Variants in PROSER2 observed in about 807,000 individuals in gnomAD.
PROSER2 encodes the protein proline and serine-rich protein 2.
A neutral mutation model predicts 14.6 loss-of-function variants in PROSER2; 18 were observed. That is an observed-to-expected ratio of 1.23 (90% confidence interval 0.85 to 1.83). The LOEUF (loss-of-function observed/expected upper bound fraction) is 1.83. Ranked by LOEUF, PROSER2 falls within the 40% of genes most tolerant of loss-of-function variation. The probability of loss-of-function intolerance (pLI) is 0.00; values close to 1 mark genes in which losing one functional copy is unlikely to be tolerated. For synonymous variants in PROSER2, 367 were observed against 286.4 expected, an observed-to-expected ratio of 1.28 and a Z score of -2.84; for missense variants, 823 against 629.8, an observed-to-expected ratio of 1.31 and a Z score of -3.28.
intron 1 of PROSER2, among the ~76,000 whole-genome samples, chr10:11,829,023 G>C (rs192585501): frequency 2.0e-5 from 3 of 152,260 alleles, no homozygotes; most frequent in African/African-American, 7.2e-5. Flanking sequence ...TGAGGAGTCA[G>C]TTATTATGCC....
chr10:11,868,729 C>T (rs1022831237), intron 3 of PROSER2, among the ~76,000 whole-genome samples: 33 of 152,326 alleles, frequency 2.2e-4, no homozygotes, highest in African/African-American at 7.9e-4. Context: ...CAGCTCACTG[C>T]AACCTCCACC....
Position 11,869,994 on chromosome 10 carries a change from CGGGGGACGCCGGCGAGGGGGCCCCAGG to C in PROSER2, c.900_926del (p.Asp301_Gly309del). ...GGCCACGCCGGCGCCTTCCCCGCCG[CGGGGGACGCCGGCGAGGGGGCCCCAGG>C]GGGCGGCTCCTCCCCGGAGCGGGTG... On this transcript the variant is annotated inframe_deletion, in exon 4 of 4. Transcript: ENST00000277570. This position sits in a 1 kb window ranked among gnomAD's most constrained non-coding sequence, Gnocchi z 4.4. The C allele has an allele frequency of 4.8e-6, 6 of 1,260,068 alleles. No homozygotes were observed. The highest frequency in any genetic ancestry group is 6.0e-6 in the Non-Finnish European group (6 of 1,004,956). 78.1% of individuals were successfully genotyped at this position (1,260,068 alleles called of 1,614,324 possible). A position where few individuals can be genotyped will look rare whatever the true frequency, so the allele number is the denominator to read the frequency against.
At chr10:11,829,581 CA>C (rs372245548) in intron 1 of PROSER2, among the ~76,000 whole-genome samples, 80 of 142,190 alleles carry the variant, frequency 5.6e-4, no homozygotes, top group South Asian at 6.7e-4. Context: ...GACCCTGTCT[CA>C]AAAAAAAAAA....
chr10:11,853,098 T>C (rs11593377), intron 2 of PROSER2, among the ~76,000 whole-genome samples: 32,253 of 151,956 alleles, frequency 0.21, 3,568 homozygotes, highest in Middle Eastern at 0.3. Context: ...CTAGGAACCA[T>C]TGGGGGCACC....
intron 2 of PROSER2, among the ~76,000 whole-genome samples, chr10:11,853,541 C>T (rs186971074): frequency 5.3e-4 from 81 of 152,258 alleles, no homozygotes; most frequent in African/African-American, 1.9e-3. Context: ...GAGCTGAAAT[C>T]GCGCCACTGC....
chr10:11,859,701 T>C (rs1339958893), intron 2 of PROSER2, among the ~76,000 whole-genome samples: 1 of 152,138 alleles, frequency 6.6e-6, no homozygotes, highest in Admixed American at 6.5e-5. Context: ...GGCGATGCCT[T>C]GTGCTTTTGG....
chr10:11,827,819 C>T (rs566572081), intron 1 of PROSER2, among the ~76,000 whole-genome samples: 3 of 151,976 alleles, frequency 2.0e-5, no homozygotes, highest in Non-Finnish European at 2.9e-5. Context: ...GCTGGGACTA[C>T]GGGTGCGTGC....
At chr10:11,831,123 A>G (rs1486030533) in intron 1 of PROSER2, among the ~76,000 whole-genome samples, 1 of 152,216 alleles carries the variant, frequency 6.6e-6, no homozygotes, top group Non-Finnish European at 1.5e-5. Context: ...TGCCAGTCTA[A>G]CCAGGTGTTA....
At chr10:11,848,352 A>G (rs1054613343) in intron 1 of PROSER2, among the ~76,000 whole-genome samples, 2 of 152,168 alleles carry the variant, frequency 1.3e-5, no homozygotes, top group African/African-American at 4.8e-5. Flanking sequence ...TATTTTTAGT[A>G]GAGACGGGGT....
intron 1 of PROSER2, among the ~76,000 whole-genome samples, chr10:11,828,817 C>A (rs1314955383): frequency 6.6e-6 from 1 of 152,146 alleles, no homozygotes; most frequent in Non-Finnish European, 1.5e-5. Context: ...GGGCCCTGCT[C>A]CCATGAAGGC....
In PROSER2 at chr10:11,870,105, CG is replaced by C; in HGVS notation, c.1008del (p.Arg337GlyfsTer16). The C allele has an allele frequency of 7.6e-7, 1 of 1,322,992 alleles. No individual in the cohort carries two copies. The highest frequency in any genetic ancestry group is 9.6e-7 in the Non-Finnish European group (1 of 1,038,918). 82.0% of individuals were successfully genotyped at this position (1,322,992 alleles called of 1,614,324 possible). ...AGTCTCCGGGCAGGGGGTCAGGCTC[CG>C]CGGGGCCCGGCGCTGGCCAACGGCT... is the stretch of plus-strand genomic sequence containing the variant. ...AESLRAGGQA[P>X]RGPALANGFP... On this transcript the variant is annotated frameshift_variant, in exon 4 of 4. Coordinates refer to ENST00000277570, the MANE Select transcript of PROSER2 (RefSeq NM_153256.4). LOFTEE classifies it low-confidence loss of function (END_TRUNC).
At position 11,870,241 on chromosome 10, in the gene PROSER2, G is replaced by T; in HGVS notation, c.1143G>T (p.Gln381His). 6.7e-7 allele frequency: 1 copy of T among 1,488,910 alleles called. No homozygotes were observed. Among genetic ancestry groups the T allele is most frequent in the South Asian group, 1.3e-5 (1 of 79,968 alleles). 92.2% of individuals were successfully genotyped at this position (1,488,910 alleles called of 1,614,324 possible). The change falls in exon 4 of 4, where the codon CAG becomes CAT. Residue 381 changes from glutamine to histidine, a missense_variant. By Grantham distance (24) the Gln-to-His change is conservative. Transcript: ENST00000277570. ...CCCTGCCCAGCACGCGGGCCCGTCA[G>T]AGCTTCCCCGGGCCCCGGCAGCCCA... ...GPALPSTRAR[Q>H]SFPGPRQPNG...
intron 3 of PROSER2, among the ~76,000 whole-genome samples, chr10:11,867,387 A>G (rs370572104): frequency 1.1e-4 from 17 of 151,934 alleles, no homozygotes; most frequent in East Asian, 9.7e-4. Flanking sequence ...TAATTATTCT[A>G]TTTTACAGGC....
In PROSER2 at chr10:11,870,597, C is replaced by T; in HGVS notation, c.*191C>T. On this transcript the variant is annotated 3_prime_UTR_variant, in exon 4 of 4. Transcript: ENST00000277570. ...GAGCACGCACCGCAAGCTCCAGCCA[C>T]CGGCACAGAGAACTCTTCCCTAAAG... 1 of 486,240 alleles carries T rather than the reference C, an allele frequency of 2.1e-6. No homozygotes were observed. The highest frequency in any genetic ancestry group is 3.7e-6 in the Non-Finnish European group (1 of 271,810). The allele number at this position is 486,240 out of a possible 1,614,324, so 30.1% of individuals were successfully genotyped here.
rs1179687987 is a variant in PROSER2, at chr10:11,856,478, G to T, written c.138+4263G>T. On this transcript the variant is annotated intron_variant, in intron 2 of 3. Coordinates refer to ENST00000277570, the MANE Select transcript of PROSER2 (RefSeq NM_153256.4). This position sits in a 1 kb window ranked among gnomAD's most constrained non-coding sequence, Gnocchi z 5.3. ...GGGCGGAGAGCTCTGCACTCGCATG[G>T]TTCTCAAGGAGTGGAGCTGGAACAG... Among the ~76,000 whole-genome samples the T allele has an allele frequency of 6.6e-6, 1 of 152,248 alleles. No homozygotes were observed. Among genetic ancestry groups the T allele is most frequent in the African/African-American group, 2.4e-5 (1 of 41,470 alleles).
chr10:11,853,693 T>G (rs1403262617), intron 2 of PROSER2, among the ~76,000 whole-genome samples: 1 of 152,162 alleles, frequency 6.6e-6, no homozygotes, highest in Non-Finnish European at 1.5e-5. Flanking sequence ...GCCGCCACCA[T>G]CTTGTTTGGA....
In PROSER2 at chr10:11,866,631, T is replaced by G. The variant is rs1280150395; in HGVS notation, c.239T>G (p.Val80Gly). 1.9e-6 allele frequency: 3 copies of G among 1,614,106 alleles called. No homozygotes were observed. Residue 80 changes from valine to glycine, a missense_variant, in exon 3 of 4, where the codon GTG becomes GGG. Coordinates refer to ENST00000277570, the MANE Select transcript of PROSER2 (RefSeq NM_153256.4). The surrounding 1 kb of genome is among the most constrained non-coding windows in gnomAD (Gnocchi z 6.0). ...CTAGACGAGGACTTTGAGGAGCCAG[T>G]GCTGTGCGATGGAGGAGTGTGCTGC... ...DSLDEDFEEP[V>G]LCDGGVCCLC...
rs940026961 is a variant in PROSER2 at position 11,856,325 on chromosome 10, G to A, written c.138+4110G>A. Among the ~76,000 whole-genome samples, 8 of 152,208 alleles carry A rather than the reference G, an allele frequency of 5.3e-5. No individual in the cohort carries two copies. The highest frequency in any genetic ancestry group is 7.3e-5 in the Non-Finnish European group (5 of 68,034). Reference sequence around the variant, plus strand: ...TCTCACAAAACCCCCTGGGTGCACGGCGAGGGCACGGTGCTGCCTCACACC... The same window carrying A: ...TCTCACAAAACCCCCTGGGTGCACGACGAGGGCACGGTGCTGCCTCACACC... On this transcript the variant is annotated intron_variant, in intron 2 of 3. Coordinates refer to ENST00000277570, the MANE Select transcript of PROSER2 (RefSeq NM_153256.4). This position sits in a 1 kb window ranked among gnomAD's most constrained non-coding sequence, Gnocchi z 5.3.
intron 2 of PROSER2, among the ~76,000 whole-genome samples, chr10:11,861,405 G>A (rs920067230): frequency 1.3e-5 from 2 of 152,126 alleles, no homozygotes; most frequent in Non-Finnish European, 2.9e-5. Context: ...CCCTCATTGG[G>A]TGGTAAGCTC....
Sources: gnomAD v4.1 joint callset for allele counts (sites outside exome capture counted in the v4.1 genomes callset) on GRCh38, gnomAD v4.1.1 for gene constraint, Gnocchi (gnomAD v3.1) non-coding constraint, MANE v1.5 for transcripts, NCBI Gene and HGNC (gene_info 2026-07-23, HGNC 2026-07-21) for gene names.